Variants in SCHIP1 observed in about 807,000 individuals in gnomAD.
SCHIP1 encodes the protein schwannomin-interacting protein 1.
SCHIP1 carries 8 observed loss-of-function variants against 29.7 expected under a neutral mutation model. That is an observed-to-expected ratio of 0.27 (90% confidence interval 0.16 to 0.49). The LOEUF (loss-of-function observed/expected upper bound fraction) is 0.49, where lower values mean the gene tolerates loss of function less well. Among genes scored for constraint, SCHIP1 ranks in the 20% least tolerant of loss-of-function variants. The probability of loss-of-function intolerance (pLI) is 0.99; values close to 1 mark genes in which losing one functional copy is unlikely to be tolerated. For missense variants in SCHIP1, 193 were observed against 294.6 expected (o/e 0.66, Z 2.52); for synonymous variants, 76 against 94.9 (o/e 0.80, Z 1.16).
chr3:159,358,164 A>G, the SCHIP1 span, among the ~76,000 whole-genome samples: 1 of 152,236 alleles, frequency 6.6e-6, no homozygotes, highest in Admixed American at 6.5e-5. Context: ...AGCCCTAAAG[A>G]GAGGGAGGTA....
intron 1 of SCHIP1, among the ~76,000 whole-genome samples, chr3:159,863,756 G>A (rs557818623): frequency 3.9e-5 from 6 of 152,296 alleles, no homozygotes; most frequent in Admixed American, 1.3e-4. Flanking sequence ...GGGAAAGAGA[G>A]TGTATTATAA....
the SCHIP1 span, among the ~76,000 whole-genome samples, chr3:159,567,434 C>A: frequency 6.6e-6 from 1 of 152,200 alleles, no homozygotes; most frequent in South Asian, 2.1e-4. Flanking sequence ...TCTGTTGTTT[C>A]TCCTGATGGC....
At chr3:159,374,048 T>C in the SCHIP1 span, among the ~76,000 whole-genome samples, 1 of 152,210 alleles carries the variant, frequency 6.6e-6, no homozygotes, top group South Asian at 2.1e-4. Flanking sequence ...GAAATATTTT[T>C]AAATTTTGTT....
At chr3:159,296,084 G>A in the SCHIP1 span, among the ~76,000 whole-genome samples, 11 of 151,108 alleles carry the variant, frequency 7.3e-5, no homozygotes, top group Non-Finnish European at 1.5e-4. Context: ...ATTCCCGAGA[G>A]AGGAGGAAAG....
chr3:159,485,285 A>G, the SCHIP1 span, among the ~76,000 whole-genome samples: 1 of 152,206 alleles, frequency 6.6e-6, no homozygotes, highest in Non-Finnish European at 1.5e-5. Context: ...GCTCTGAGTG[A>G]CTTTGAATAG....
At chr3:159,470,744 G>A in the SCHIP1 span, among the ~76,000 whole-genome samples, 6 of 151,782 alleles carry the variant, frequency 4.0e-5, no homozygotes, top group Admixed American at 6.6e-5. Context: ...ATCAACTGTC[G>A]AACCAAAACA....
intron 6 of SCHIP1, chr3:159,892,402 G>A (rs1300052566): frequency 4.9e-6 from 3 of 616,876 alleles, no homozygotes; most frequent in African/African-American, 1.8e-5. Context: ...CCCCCCTTGT[G>A]ATGAATTGTC....
At chr3:159,742,834 ATTTTTTTT>A in the SCHIP1 span, among the ~76,000 whole-genome samples, 57 of 110,824 alleles carry the variant, frequency 5.1e-4, no homozygotes, top group African/African-American at 1.7e-3. Context: ...CGCCTAGCTA[ATTTTTTTT>A]TTTTTTTTTT....
the SCHIP1 span, among the ~76,000 whole-genome samples, chr3:159,807,979 C>T: frequency 6.6e-6 from 1 of 152,174 alleles, no homozygotes; most frequent in South Asian, 2.1e-4. Flanking sequence ...GTTTCTAACT[C>T]AAGAGCCCTG....
At chr3:159,787,251 C>T in the SCHIP1 span, among the ~76,000 whole-genome samples, 2 of 152,202 alleles carry the variant, frequency 1.3e-5, no homozygotes, top group Non-Finnish European at 2.9e-5. Flanking sequence ...ATATAGGATA[C>T]GAGCCTCTGC....
At chr3:159,758,140 G>A in the SCHIP1 span, among the ~76,000 whole-genome samples, 1 of 151,980 alleles carries the variant, frequency 6.6e-6, no homozygotes, top group African/African-American at 2.4e-5. Context: ...TAAGTTCAGA[G>A]TTACTTACAG....
the SCHIP1 span, among the ~76,000 whole-genome samples, chr3:159,425,633 C>G: frequency 0.01 from 1,554 of 152,220 alleles, 35 homozygotes; most frequent in African/African-American, 0.035. Flanking sequence ...GACAGATCAA[C>G]AAGACAGAAA....
the SCHIP1 span, among the ~76,000 whole-genome samples, chr3:159,283,474 C>T: frequency 2.0e-5 from 3 of 151,822 alleles, no homozygotes; most frequent in Non-Finnish European, 2.9e-5. Context: ...ACTTTACTTA[C>T]TATGATTGTT....
the SCHIP1 span, among the ~76,000 whole-genome samples, chr3:159,496,935 A>G: frequency 2.0e-5 from 3 of 152,170 alleles, no homozygotes; most frequent in African/African-American, 7.2e-5. Context: ...ATAAAAAATG[A>G]TAAGTTCATG....
chr3:159,713,222 GAGAA>G, the SCHIP1 span, among the ~76,000 whole-genome samples: 3 of 100,900 alleles, frequency 3.0e-5, no homozygotes, highest in African/African-American at 4.1e-5. Flanking sequence ...GAGAGAGAGA[GAGAA>G]AGAAAGGAAG....
chr3:159,794,568 T>C, the SCHIP1 span, among the ~76,000 whole-genome samples: 1 of 152,222 alleles, frequency 6.6e-6, no homozygotes, highest in South Asian at 2.1e-4. Context: ...AAAGACTAGA[T>C]TCCGGACCTC....
the SCHIP1 span, among the ~76,000 whole-genome samples, chr3:159,335,501 A>G: frequency 7.2e-5 from 11 of 151,980 alleles, no homozygotes; most frequent in Admixed American, 6.6e-4. Context: ...ACTCCCCCCC[A>G]GTCCACAACA....
chr3:159,638,415 G>A, the SCHIP1 span, among the ~76,000 whole-genome samples: 2 of 152,074 alleles, frequency 1.3e-5, no homozygotes, highest in Admixed American at 6.6e-5. Flanking sequence ...AGTCATAATC[G>A]TATTTCTCCA....
At chr3:159,813,970 C>T in the SCHIP1 span, among the ~76,000 whole-genome samples, 9 of 152,130 alleles carry the variant, frequency 5.9e-5, no homozygotes, top group Admixed American at 1.3e-4. Context: ...GTGGGAAACA[C>T]GCCCTGAGCA....
Sources: gnomAD v4.1 joint callset for allele counts (sites outside exome capture counted in the v4.1 genomes callset) on GRCh38, gnomAD v4.1.1 for gene constraint, MANE v1.5 for transcripts, NCBI Gene and HGNC (gene_info 2026-07-23, HGNC 2026-07-21) for gene names.